The following ASPRV1 variants were observed in gnomAD, a reference collection of about 807,000 sequenced individuals.
ASPRV1 encodes the protein aspartic peptidase retroviral like 1.
A neutral mutation model predicts 11.0 loss-of-function variants in ASPRV1; 7 were observed. The ratio of observed to expected loss-of-function variants is 0.64; its 90% CI spans 0.36 to 1.20. The LOEUF is 1.20. Among genes scored for constraint, ASPRV1 ranks in the 50% most tolerant of loss-of-function variants. The pLI is 0.02. For synonymous variants in ASPRV1, 136 were observed against 138.4 expected, an observed-to-expected ratio of 0.98 and a Z score of 0.12; for missense variants, 299 against 320.0, an observed-to-expected ratio of 0.93 and a Z score of 0.50.
At chr2:70,081,298 T>C in the ASPRV1 span, 13 of 152,186 alleles carry the variant, frequency 8.5e-5, no homozygotes, top group East Asian at 7.7e-4. Flanking sequence ...AAATTTTCCA[T>C]CCTGGCTAAC....
the ASPRV1 span, among the ~76,000 whole-genome samples, chr2:69,981,956 T>C: frequency 1.3e-5 from 2 of 152,186 alleles, no homozygotes; most frequent in Admixed American, 6.5e-5. Flanking sequence ...GCCATCTGCA[T>C]GATGGAAGGG....
the ASPRV1 span, among the ~76,000 whole-genome samples, chr2:69,991,863 G>C: frequency 6.6e-6 from 1 of 152,148 alleles, no homozygotes; most frequent in Non-Finnish European, 1.5e-5. Context: ...AAAAGGAAAA[G>C]AGAAAAAACA....
At chr2:69,979,419 T>G in the ASPRV1 span, among the ~76,000 whole-genome samples, 2 of 152,128 alleles carry the variant, frequency 1.3e-5, no homozygotes, top group African/African-American at 4.8e-5. Flanking sequence ...GGGCTCCTTG[T>G]AGTCTCTGAG....
upstream of ASPRV1, among the ~76,000 whole-genome samples, chr2:69,965,771 G>T (rs1678319382): frequency 1.3e-5 from 2 of 152,296 alleles, no homozygotes. Flanking sequence ...GGGCACACGG[G>T]CAGGACAGCT....
the ASPRV1 span, among the ~76,000 whole-genome samples, chr2:69,946,262 T>C: frequency 1.2e-4 from 19 of 152,146 alleles, no homozygotes; most frequent in Non-Finnish European, 1.8e-4. Flanking sequence ...CAAGTGGAAA[T>C]AGAAACTCAG....
chr2:69,976,636 C>T, the ASPRV1 span: 5 of 152,312 alleles, frequency 3.3e-5, no homozygotes, highest in African/African-American at 1.2e-4. Flanking sequence ...AGTCATGAGC[C>T]TTCAAGGCCT....
At chr2:70,056,479 C>A in the ASPRV1 span, 9 of 151,362 alleles carry the variant, frequency 5.9e-5, no homozygotes, top group Admixed American at 2.0e-4. Context: ...GTAGCGGGCG[C>A]CTGTAGTCCC....
the ASPRV1 span, among the ~76,000 whole-genome samples, chr2:70,058,856 AT>A: frequency 3.1e-5 from 4 of 130,290 alleles, no homozygotes; most frequent in Non-Finnish European, 5.0e-5. Context: ...CTGGCCAGAA[AT>A]TTTTTTTTAA....
chr2:70,019,202 A>G, the ASPRV1 span: 1 of 152,224 alleles, frequency 6.6e-6, no homozygotes, highest in Admixed American at 6.5e-5. Flanking sequence ...TGCAATTCAA[A>G]ACAATGACAT....
At chr2:69,977,660 A>C in the ASPRV1 span, among the ~76,000 whole-genome samples, 2 of 152,194 alleles carry the variant, frequency 1.3e-5, no homozygotes. Flanking sequence ...GAGGGGCCTA[A>C]TAAATACAAA....
chr2:69,956,741 TAAAA>T (rs1488572079), downstream of ASPRV1, among the ~76,000 whole-genome samples: 1 of 151,960 alleles, frequency 6.6e-6, no homozygotes, highest in African/African-American at 2.4e-5. Context: ...ATTTATGGAG[TAAAA>T]ACCTGGCAAA....
the ASPRV1 span, among the ~76,000 whole-genome samples, chr2:69,936,323 A>G: frequency 3.9e-5 from 6 of 152,012 alleles, no homozygotes; most frequent in African/African-American, 1.2e-4. Context: ...TCCTTAGACT[A>G]TACACCCCAC....
the ASPRV1 span, among the ~76,000 whole-genome samples, chr2:70,000,167 G>C: frequency 6.6e-6 from 1 of 152,272 alleles, no homozygotes; most frequent in East Asian, 1.9e-4. Context: ...AATGACAAGT[G>C]ATAATCTAGG....
the ASPRV1 span, among the ~76,000 whole-genome samples, chr2:69,949,156 T>C: frequency 6.6e-6 from 1 of 152,254 alleles, no homozygotes; most frequent in South Asian, 2.1e-4. Context: ...CACACGGACC[T>C]CTGCCGGAGC....
At chr2:69,994,208 G>A in the ASPRV1 span, 2 of 152,268 alleles carry the variant, frequency 1.3e-5, no homozygotes, top group Non-Finnish European at 2.9e-5. Flanking sequence ...TATTTGTTAT[G>A]TGTGGCCCTG....
At chr2:70,043,546 T>G in the ASPRV1 span, among the ~76,000 whole-genome samples, 1 of 152,260 alleles carries the variant, frequency 6.6e-6, no homozygotes, top group African/African-American at 2.4e-5. Context: ...ATACCCCAAG[T>G]GCTTTGTCAT....
At chr2:70,081,682 C>G in the ASPRV1 span, among the ~76,000 whole-genome samples, 1 of 151,942 alleles carries the variant, frequency 6.6e-6, no homozygotes, top group Non-Finnish European at 1.5e-5. Flanking sequence ...CTCCCGGGCT[C>G]AAGTGATTCT....
chr2:69,934,987 G>A, the ASPRV1 span, among the ~76,000 whole-genome samples: 1 of 152,108 alleles, frequency 6.6e-6, no homozygotes, highest in African/African-American at 2.4e-5. Flanking sequence ...AGTCTAATAT[G>A]CATTTAATAC....
chr2:70,004,408 T>C, the ASPRV1 span, among the ~76,000 whole-genome samples: 1 of 151,426 alleles, frequency 6.6e-6, no homozygotes, highest in Non-Finnish European at 1.5e-5. Context: ...CGCACACCTG[T>C]AGTCCCAGCT....
Sources: allele counts gnomAD v4.1 joint callset (sites outside exome capture counted in the v4.1 genomes callset), GRCh38; gene constraint gnomAD v4.1.1; transcripts MANE v1.5; gene names NCBI Gene and HGNC (gene_info 2026-07-23, HGNC 2026-07-21).